The following ARRDC5 variants were observed in gnomAD, a reference collection of about 807,000 sequenced individuals.
ARRDC5 encodes the protein arrestin domain-containing protein 5.
ARRDC5 carries 12 observed loss-of-function variants against 13.3 expected under a neutral mutation model. That is an observed-to-expected ratio of 0.90 (90% CI 0.58 to 1.46). The LOEUF is 1.46. Among genes scored for constraint, ARRDC5 ranks in the 40% most tolerant of loss-of-function variants. ARRDC5 has a pLI of 0.00. For missense variants in ARRDC5, 406 were observed against 418.7 expected (o/e 0.97, Z 0.26); for synonymous variants, 181 against 173.4 (o/e 1.04, Z -0.34).
At chr19:4,897,624 C>T (rs1486576897) in intron 1 of ARRDC5, among the ~76,000 whole-genome samples, 1 of 151,956 alleles carries the variant, frequency 6.6e-6, no homozygotes, top group Non-Finnish European at 1.5e-5. Flanking sequence ...TCAAGTGATT[C>T]TCCCACCTCA....
At chr19:4,898,533 T>G (rs2086165932) in intron 1 of ARRDC5, among the ~76,000 whole-genome samples, 2 of 152,096 alleles carry the variant, frequency 1.3e-5, no homozygotes, top group African/African-American at 4.8e-5. Context: ...GGCTAATTTT[T>G]GTATTTTTAG....
At chr19:4,903,016 G>T (rs1035308697), upstream of ARRDC5, 7 of 426,296 alleles carry the variant, frequency 1.6e-5, no homozygotes, top group East Asian at 3.2e-5. Context: ...GAAACCTGTA[G>T]TCCTCACTGG....
the ARRDC5 span, among the ~76,000 whole-genome samples, chr19:4,913,429 A>G: frequency 1.3e-5 from 2 of 151,704 alleles, no homozygotes; most frequent in African/African-American, 2.4e-5. Flanking sequence ...AATTTTTTGT[A>G]TTTTTAGTAG....
At position 4,891,582 on chromosome 19, in the gene ARRDC5, A is replaced by G. The variant is rs2031514210; in HGVS notation, c.460-9T>C. ...TCCACGAACAAGGGGTTCTAGGAGG[A>G]TGTGGGGGAACAGACAACCGTGAGG... On this transcript the variant is annotated splice_polypyrimidine_tract_variant and intron_variant, in intron 2 of 2. Coordinates refer to ENST00000650722, the MANE Select transcript of ARRDC5 (RefSeq NM_001080523.3). 6.2e-7 allele frequency: 1 copy of G among 1,603,958 alleles called. No homozygotes were observed. The highest frequency in any genetic ancestry group is 8.5e-7 in the Non-Finnish European group (1 of 1,174,846).
chr19:4,897,844 TG>T (rs1474148994), intron 1 of ARRDC5, among the ~76,000 whole-genome samples: 1 of 152,186 alleles, frequency 6.6e-6, no homozygotes, highest in Admixed American at 6.6e-5. Flanking sequence ...CCCAGCACTT[TG>T]GGAGGCCAAG....
the ARRDC5 span, among the ~76,000 whole-genome samples, chr19:4,914,605 A>G: frequency 3.3e-5 from 5 of 151,424 alleles, no homozygotes; most frequent in Non-Finnish European, 4.4e-5. Context: ...CTTTGGGCAG[A>G]CGGCCCAGCC....
upstream of ARRDC5, chr19:4,903,729 G>C (rs2656929): frequency 0.22 from 33,255 of 151,860 alleles, 3,811 homozygotes; most frequent in East Asian, 0.34. Context: ...TCTCGAACTT[G>C]TGGCCTCACA....
the ARRDC5 span, chr19:4,909,491 GA>G: frequency 7.6e-6 from 5 of 655,350 alleles, no homozygotes; most frequent in African/African-American, 1.9e-5. Flanking sequence ...GTTTTCGCGG[GA>G]AAAAAATCAG....
At chr19:4,910,903 G>C in the ARRDC5 span, 2 of 1,612,774 alleles carry the variant, frequency 1.2e-6, no homozygotes, top group East Asian at 4.5e-5. Flanking sequence ...TCCAGGTTCG[G>C]ACCATGGACG....
chr19:4,897,315 T>A (rs1250894388), intron 1 of ARRDC5, among the ~76,000 whole-genome samples: 1 of 151,958 alleles, frequency 6.6e-6, no homozygotes, highest in Non-Finnish European at 1.5e-5. Flanking sequence ...GGCTTGTCTG[T>A]CCCTCCTGAG....
At position 4,900,143 on chromosome 19, in the gene ARRDC5, C is replaced by CTT. The variant is rs35303447; in HGVS notation, c.253+2428_253+2429dup. On this transcript the variant is annotated intron_variant, in intron 1 of 2. Transcript: ENST00000650722. The stretch of plus-strand genomic sequence containing the variant: ...AGCAGTCTTTTTTTTCTGTTTCTTT[C>CTT]TTTTTTTTTTTTTTTTTTTTTTGAG... Among the ~76,000 whole-genome samples, 66 of 84,224 alleles carry CTT rather than the reference C, an allele frequency of 7.8e-4. 1 individual carries two copies. Among genetic ancestry groups the CTT allele is most frequent in the East Asian group, 1.8e-3 (5 of 2,732 alleles). The allele number at this position is 84,224 out of a possible 152,430, so 55.3% of individuals were successfully genotyped here. A position where few individuals can be genotyped will look rare whatever the true frequency, so the allele number is the denominator to read the frequency against.
chr19:4,891,486 T>C lies in ARRDC5; in HGVS notation c.547A>G (p.Asn183Asp), dbSNP rs970726135. The change falls in exon 3 of 3, where the codon AAC becomes GAC. Residue 183 changes from asparagine to aspartate, a missense_variant. Asn to Asp is a conservative substitution (Grantham distance 23). Transcript: ENST00000650722. ...TVCLQIQMER[N>D]TFTPGEKVVF... Reference sequence around the variant, plus strand: ...ACCTTCTCTCCTGGCGTGAAGGTGTTCCTTTCCATCTGGATTTGCAAACAG... The same window carrying C: ...ACCTTCTCTCCTGGCGTGAAGGTGTCCCTTTCCATCTGGATTTGCAAACAG... 1 of 1,613,916 alleles carries C rather than the reference T, an allele frequency of 6.2e-7. No individual in the cohort carries two copies. The highest frequency in any genetic ancestry group is 1.3e-5 in the African/African-American group (1 of 75,040).
rs1193808952 is a variant in ARRDC5 at position 4,902,855 on chromosome 19, C to T, written c.-30G>A. 2 of 1,613,430 alleles carry T rather than the reference C, an allele frequency of 1.2e-6. No individual in the cohort carries two copies. Among genetic ancestry groups the T allele is most frequent in the Middle Eastern group, 1.7e-4 (1 of 5,998 alleles). ...GGTTGGGGGGTAGAGAGACATTCCT[C>T]TCTGTCCCCCATGTCCCTGAAATTC... is the stretch of plus-strand genomic sequence containing the variant. On this transcript the variant is annotated 5_prime_UTR_variant, in exon 1 of 3. Transcript: ENST00000650722.
rs184517155 is a variant in ARRDC5 at position 4,898,022 on chromosome 19, G to A, written c.254-1146C>T. Among the ~76,000 whole-genome samples the A allele has an allele frequency of 2.5e-4, 38 of 152,262 alleles. No homozygotes were observed. The East Asian group carries it at 7.0e-3, about 28-fold the overall frequency. On this transcript the variant is annotated intron_variant, in intron 1 of 2. Coordinates refer to ENST00000650722, the MANE Select transcript of ARRDC5 (RefSeq NM_001080523.3). ...GGATAGCTTGAACGTGCGAGACGGA[G>A]GTTGCAGTGAGCCGAGATCATGCCA... is the stretch of plus-strand genomic sequence containing the variant.
At chr19:4,913,228 T>C in the ARRDC5 span, among the ~76,000 whole-genome samples, 28 of 151,668 alleles carry the variant, frequency 1.8e-4, 1 homozygote, top group African/African-American at 6.5e-4. Flanking sequence ...GGAACACGTA[T>C]GTTAATTAGA....
In ARRDC5 at chr19:4,896,348, A is replaced by ATAT. The variant is rs1407717173; in HGVS notation, c.459+322_459+323insATA. Among the ~76,000 whole-genome samples, 25 of 59,594 alleles carry ATAT rather than the reference A, an allele frequency of 4.2e-4. 1 individual carries two copies. Among genetic ancestry groups the ATAT allele is most frequent in the African/African-American group, 1.4e-3 (22 of 15,704 alleles). 39.1% of individuals were successfully genotyped at this position (59,594 alleles called of 152,430 possible). A position where few individuals can be genotyped will look rare whatever the true frequency, so the allele number is the denominator to read the frequency against. Reference sequence around the variant, plus strand: ...AAAAAAAATATATATATATATATATATTTTTTTTTTTTTACACACACACAC... The same window carrying ATAT: ...AAAAAAAATATATATATATATATATATATTTTTTTTTTTTTTACACACACACAC... On this transcript the variant is annotated intron_variant, in intron 2 of 2. Transcript: ENST00000650722.
chr19:4,916,081 G>A, the ARRDC5 span, among the ~76,000 whole-genome samples: 1 of 152,114 alleles, frequency 6.6e-6, no homozygotes, highest in Non-Finnish European at 1.5e-5. Context: ...AGGCTGAGGC[G>A]AGGATCGCTT....
chr19:4,901,641 T>C (rs1424249374), intron 1 of ARRDC5, among the ~76,000 whole-genome samples: 1 of 151,918 alleles, frequency 6.6e-6, no homozygotes, highest in Non-Finnish European at 1.5e-5. Flanking sequence ...ATAAATAAGA[T>C]ACAAATAAAT....
the ARRDC5 span, among the ~76,000 whole-genome samples, chr19:4,913,532 G>T: frequency 6.6e-6 from 1 of 152,054 alleles, no homozygotes; most frequent in Non-Finnish European, 1.5e-5. Context: ...TGGGATTACA[G>T]GTGTGAACCA....
Sources: gnomAD v4.1 joint callset for allele counts (sites outside exome capture counted in the v4.1 genomes callset) on GRCh38, gnomAD v4.1.1 for gene constraint, MANE v1.5 for transcripts, NCBI Gene and HGNC (gene_info 2026-07-23, HGNC 2026-07-21) for gene names.